The following FUT8 variants were observed in gnomAD, a reference collection of about 807,000 sequenced individuals.
FUT8 encodes the protein fucosyltransferase 8, also known as alpha-(1,6)-fucosyltransferase.
Under a neutral mutation model 71.3 loss-of-function variants are expected in FUT8, and 29 were observed. The ratio of observed to expected loss-of-function variants is 0.41; its 90% CI spans 0.30 to 0.55. FUT8 has a LOEUF of 0.55. Among genes scored for constraint, FUT8 ranks in the 20% least tolerant of loss-of-function variants. The pLI, the probability that FUT8 is intolerant of heterozygous loss-of-function variation, is 0.34. For missense variants in FUT8, 544 were observed against 702.1 expected, an observed-to-expected ratio of 0.77 and a Z score of 2.55; for synonymous variants, 254 against 239.3, an observed-to-expected ratio of 1.06 and a Z score of -0.57.
At chr14:65,726,890 A>G (rs1895712392) in intron 9 of FUT8, among the ~76,000 whole-genome samples, 1 of 152,234 alleles carries the variant, frequency 6.6e-6, no homozygotes, top group South Asian at 2.1e-4. Flanking sequence ...CATTGGATAA[A>G]TACAGCCATT....
intron 3 of FUT8, among the ~76,000 whole-genome samples, chr14:65,615,319 C>G (rs1889224523): frequency 6.6e-6 from 1 of 152,106 alleles, no homozygotes; most frequent in Non-Finnish European, 1.5e-5. Context: ...GTTGCCCAGG[C>G]TGGCCATGAA....
At chr14:65,464,647 T>C (rs2066015995) in intron 2 of FUT8, among the ~76,000 whole-genome samples, 1 of 152,186 alleles carries the variant, frequency 6.6e-6, no homozygotes, top group South Asian at 2.1e-4. Context: ...TTCTGTTTCC[T>C]GGATTACATT....
chr14:65,561,506 C>T lies in FUT8; in HGVS notation c.-58C>T. 1 of 1,519,252 alleles carries T rather than the reference C, an allele frequency of 6.6e-7. No homozygotes were observed. Among genetic ancestry groups the T allele is most frequent in the Admixed American group, 1.7e-5 (1 of 59,150 alleles). 94.1% of individuals were successfully genotyped at this position (1,519,252 alleles called of 1,614,324 possible). A position where few individuals can be genotyped will look rare whatever the true frequency, so the allele number is the denominator to read the frequency against. On this transcript the variant is annotated 5_prime_UTR_variant, in exon 3 of 11. Transcript: ENST00000673929. ...TGTGCACTAACTAGAAACAGAGTTA[C>T]AATGTTTTCAATTCTTTGAGCTCCA...
At position 65,660,130 on chromosome 14, in the gene FUT8, C is replaced by T. The variant is rs1390459687; in HGVS notation, c.598-9113C>T. On this transcript the variant is annotated intron_variant, in intron 6 of 10. Coordinates refer to ENST00000673929, the MANE Select transcript of FUT8 (RefSeq NM_001371533.1). This position sits in a 1 kb window ranked among gnomAD's most constrained non-coding sequence, Gnocchi z 4.1. ...ATGCATCATTAATTATCTGCCTTTCCTTTGTGGCCCTTCTGATGGCAGAAA... is the reference window on the plus strand; with the variant it reads ...ATGCATCATTAATTATCTGCCTTTCTTTTGTGGCCCTTCTGATGGCAGAAA... Among the ~76,000 whole-genome samples the T allele has an allele frequency of 6.6e-6, 1 of 152,084 alleles. No homozygotes were observed. Among genetic ancestry groups the T allele is most frequent in the African/African-American group, 2.4e-5 (1 of 41,494 alleles).
chr14:65,388,150 G>A, the FUT8 span, among the ~76,000 whole-genome samples: 29 of 152,164 alleles, frequency 1.9e-4, no homozygotes, highest in African/African-American at 5.3e-4. Context: ...TCAGCAGTAT[G>A]GAACTCCCAT....
Position 65,669,376 on chromosome 14 carries a change from A to T in FUT8, c.731A>T (p.Glu244Val). 1 of 1,613,836 alleles carries T rather than the reference A, an allele frequency of 6.2e-7. No homozygotes were observed. The highest frequency in any genetic ancestry group is 8.5e-7 in the Non-Finnish European group (1 of 1,179,844). ...GGCACCCAGCGAACACTCATCTTGG[A>T]ATCTCAGAATTGGCGCTATGCTACT... is the stretch of plus-strand genomic sequence containing the variant. Reference protein sequence around the residue: ...AYGTQRTLILESQNWRYATGG... With the variant: ...AYGTQRTLILVSQNWRYATGG... The change falls in exon 7 of 11, where the codon GAA becomes GTA. Residue 244 changes from glutamate to valine, a missense_variant. Transcript: ENST00000673929. The surrounding 1 kb of genome is among the most constrained non-coding windows in gnomAD (Gnocchi z 4.5).
At chr14:65,715,162 T>TA (rs1894990610) in intron 7 of FUT8, among the ~76,000 whole-genome samples, 1 of 152,208 alleles carries the variant, frequency 6.6e-6, no homozygotes, top group African/African-American at 2.4e-5. Flanking sequence ...TTCCAGATCT[T>TA]AGAGAAGTGG....
chr14:65,398,133 A>C, the FUT8 span, among the ~76,000 whole-genome samples: 2 of 152,218 alleles, frequency 1.3e-5, no homozygotes, highest in African/African-American at 4.8e-5. Context: ...AAATTGAGTC[A>C]CAAATACAGA....
intron 7 of FUT8, among the ~76,000 whole-genome samples, chr14:65,713,104 A>G (rs1047083746): frequency 2.6e-5 from 4 of 152,080 alleles, no homozygotes; most frequent in Admixed American, 2.6e-4. Flanking sequence ...TCTATCTCCA[A>G]GATTTCAATT....
At chr14:65,561,906 A>G (rs1019607848) in intron 3 of FUT8, 140 bp downstream of exon 3, 7 of 713,882 alleles carry the variant, frequency 9.8e-6, no homozygotes, top group Admixed American at 5.2e-5. Context: ...ACAGTTTTCT[A>G]TCTCTGTGTA....
At chr14:65,597,588 A>C (rs903331408) in intron 3 of FUT8, among the ~76,000 whole-genome samples, 1 of 151,474 alleles carries the variant, frequency 6.6e-6, no homozygotes, top group African/African-American at 2.4e-5. Flanking sequence ...GCACCACTGC[A>C]CTCCAGCCTG....
intron 3 of FUT8, among the ~76,000 whole-genome samples, chr14:65,613,779 G>A (rs1594818653): frequency 3.9e-5 from 6 of 152,196 alleles, no homozygotes; most frequent in Admixed American, 3.9e-4. Context: ...AAATGTTAGA[G>A]AAGCTATAAA....
intron 3 of FUT8, among the ~76,000 whole-genome samples, chr14:65,567,640 C>G (rs971805704): frequency 6.6e-6 from 1 of 151,818 alleles, no homozygotes; most frequent in African/African-American, 2.4e-5. Context: ...CTGCCTTTTG[C>G]TTTTTCAATC....
At chr14:65,519,302 TA>T (rs1157118367) in intron 2 of FUT8, among the ~76,000 whole-genome samples, 6 of 152,158 alleles carry the variant, frequency 3.9e-5, no homozygotes, top group African/African-American at 7.2e-5. Flanking sequence ...GAAAAGCCCT[TA>T]AAAAATGAGA....
At chr14:65,471,524 G>A (rs944192285) in intron 2 of FUT8, among the ~76,000 whole-genome samples, 1 of 151,942 alleles carries the variant, frequency 6.6e-6, no homozygotes, top group Non-Finnish European at 1.5e-5. Flanking sequence ...CTGTAAGACT[G>A]GTCCCCTTAC....
chr14:65,412,621 A>T (rs951790362), upstream of FUT8: 3 of 298,796 alleles, frequency 1.0e-5, no homozygotes, highest in East Asian at 3.6e-4. Context: ...GCAGCGAGGA[A>T]GGGGGCGGGG....
chr14:65,568,164 C>G (rs955981051), intron 3 of FUT8, among the ~76,000 whole-genome samples: 2 of 151,438 alleles, frequency 1.3e-5, no homozygotes, highest in African/African-American at 4.8e-5. Context: ...TTTTTCAAAG[C>G]ATGTGTTCAT....
intron 3 of FUT8, among the ~76,000 whole-genome samples, chr14:65,570,204 A>G (rs1262815940): frequency 2.0e-5 from 3 of 152,048 alleles, no homozygotes; most frequent in Non-Finnish European, 4.4e-5. Context: ...CAGCAAATCA[A>G]TCATGGAGAA....
At chr14:65,699,145 TACACACACACACAC>T (rs60092488) in intron 7 of FUT8, among the ~76,000 whole-genome samples, 4,586 of 132,076 alleles carry the variant, frequency 0.035, 101 homozygotes, top group South Asian at 0.068. Flanking sequence ...CCCTCCCTTC[TACACACACACACAC>T]ACACACACAC....
Sources: gnomAD v4.1 joint callset for allele counts (sites outside exome capture counted in the v4.1 genomes callset) on GRCh38, gnomAD v4.1.1 for gene constraint, Gnocchi (gnomAD v3.1) non-coding constraint, MANE v1.5 for transcripts, NCBI Gene and HGNC (gene_info 2026-07-23, HGNC 2026-07-21) for gene names.